TIAM1: variants seen among roughly 807,000 people sequenced by gnomAD.
The protein encoded by TIAM1 is rho guanine nucleotide exchange factor TIAM1.
A neutral mutation model predicts 163.5 loss-of-function variants in TIAM1; 65 were observed. That is an observed-to-expected ratio of 0.40 (90% CI 0.33 to 0.49). TIAM1 has a LOEUF of 0.49. Among genes scored for constraint, TIAM1 ranks in the 20% least tolerant of loss-of-function variants. TIAM1 has a pLI of 0.77. For synonymous variants in TIAM1, 833 were observed against 810.1 expected (o/e 1.03, Z -0.48); for missense variants, 1,789 against 2,044.7 (o/e 0.87, Z 2.41).
chr21:31,558,356 C>A (rs747692834), intron 1 of TIAM1, among the ~76,000 whole-genome samples: 29 of 152,206 alleles, frequency 1.9e-4, no homozygotes, highest in Non-Finnish European at 4.0e-4. Context: ...GTCCCCAGCT[C>A]CGTGCGCCGG....
intron 3 of TIAM1, among the ~76,000 whole-genome samples, chr21:31,272,122 C>T (rs1306366431): frequency 6.6e-6 from 1 of 152,170 alleles, no homozygotes; most frequent in Non-Finnish European, 1.5e-5. Flanking sequence ...AGAACACTTA[C>T]ATTAGCCTAC....
chr21:31,494,506 C>T (rs1329607461), intron 1 of TIAM1, among the ~76,000 whole-genome samples: 1 of 152,176 alleles, frequency 6.6e-6, no homozygotes, highest in Admixed American at 6.5e-5. Context: ...AAGTAAGATG[C>T]TTTCCACCTC....
chr21:31,257,994 C>G (rs923047152), intron 4 of TIAM1, among the ~76,000 whole-genome samples: 6 of 151,726 alleles, frequency 4.0e-5, no homozygotes, highest in South Asian at 4.2e-4. Context: ...CTCCCTCCTC[C>G]CCTCCTCTCC....
chr21:31,535,380 C>CCAA (rs1447512228), intron 1 of TIAM1, among the ~76,000 whole-genome samples: 5 of 54,280 alleles, frequency 9.2e-5, no homozygotes, highest in Non-Finnish European at 3.2e-5. Context: ...GGCTCCATCT[C>CCAA]AAAAAAAAAA....
In TIAM1 at chr21:31,217,702, G is replaced by A. The variant is rs2087299607; in HGVS notation, c.1996-3C>T. 1 of 1,612,520 alleles carries A rather than the reference G, an allele frequency of 6.2e-7. No individual in the cohort carries two copies. The highest frequency in any genetic ancestry group is 8.5e-7 in the Non-Finnish European group (1 of 1,179,234). On this transcript the variant is annotated splice_region_variant and splice_polypyrimidine_tract_variant and intron_variant, in intron 8 of 27. Transcript: ENST00000541036. ...GTTTCACCAGTGCGTGCTGCCACCT[G>A]AGGATGGCAAGGACAAGCAGCCACA...
At chr21:31,463,543 T>C (rs1309762691) in intron 2 of TIAM1, among the ~76,000 whole-genome samples, 2 of 151,958 alleles carry the variant, frequency 1.3e-5, no homozygotes, top group African/African-American at 4.8e-5. Flanking sequence ...AGAGGCCGGG[T>C]GCAGTGGCTC....
intron 22 of TIAM1, among the ~76,000 whole-genome samples, chr21:31,138,584 T>C (rs2082713969): frequency 6.6e-6 from 1 of 152,220 alleles, no homozygotes; most frequent in East Asian, 1.9e-4. Flanking sequence ...ATCACCCGCC[T>C]GAGTCTCCGT....
chr21:31,173,638 C>G (rs1050806196), intron 15 of TIAM1, among the ~76,000 whole-genome samples: 1 of 152,090 alleles, frequency 6.6e-6, no homozygotes. Flanking sequence ...GTCACAAAAT[C>G]TCAGTTTTTG....
In TIAM1 at chr21:31,210,798, GAA is replaced by G. The variant is rs903740008; in HGVS notation, c.2218-585_2218-584del. On this transcript the variant is annotated intron_variant, in intron 10 of 27. Transcript: ENST00000541036. ...AGAAAGAAAGAAAGAAAGAAAGAAA[GAA>G]AGAAAGAAAGAAAGGTCACCATTCA... Among the ~76,000 whole-genome samples the G allele has an allele frequency of 5.5e-5, 8 of 146,780 alleles. 1 individual carries two copies. The highest frequency in any genetic ancestry group is 2.2e-4 in the African/African-American group (8 of 36,960).
At chr21:31,557,211 A>T (rs1387201530) in intron 1 of TIAM1, among the ~76,000 whole-genome samples, 1 of 152,242 alleles carries the variant, frequency 6.6e-6, no homozygotes, top group Non-Finnish European at 1.5e-5. Context: ...ATTAAACCTA[A>T]GGCCAAGTAA....
At position 31,141,677 on chromosome 21, in the gene TIAM1, G is replaced by A. The variant is rs1330041342; in HGVS notation, c.3476-173C>T. On this transcript the variant is annotated intron_variant, in intron 20 of 27. Transcript: ENST00000541036. The surrounding 1 kb of genome is among the most constrained non-coding windows in gnomAD (Gnocchi z 4.7). ...GGGGCAGTCAGGGAGACCACAGGCAGTCAGATCTATGTATTTATGTGTTGG... is the reference window on the plus strand; with the variant it reads ...GGGGCAGTCAGGGAGACCACAGGCAATCAGATCTATGTATTTATGTGTTGG... 6.6e-6 allele frequency among the ~76,000 whole-genome samples: 1 copy of A among 152,044 alleles called. No homozygotes were observed. The highest frequency in any genetic ancestry group is 2.4e-5 in the African/African-American group (1 of 41,408).
intron 4 of TIAM1, among the ~76,000 whole-genome samples, chr21:31,255,055 A>C (rs2072020455): frequency 6.6e-6 from 1 of 152,154 alleles, no homozygotes; most frequent in African/African-American, 2.4e-5. Flanking sequence ...ATGCCAACTG[A>C]TGCTGTAGCT....
chr21:31,363,104 C>T (rs1243556825), intron 2 of TIAM1, among the ~76,000 whole-genome samples: 3 of 152,018 alleles, frequency 2.0e-5, no homozygotes, highest in Non-Finnish European at 2.9e-5. Flanking sequence ...GGTTCACGAT[C>T]GATATTAGCT....
intron 26 of TIAM1, 69 bp downstream of exon 26, chr21:31,126,996 G>A (rs1166062925): frequency 1.3e-5 from 19 of 1,491,456 alleles, no homozygotes; most frequent in East Asian, 4.5e-5. Context: ...AGAACACAAC[G>A]TAAGACACCA....
At chr21:31,250,438 G>A (rs918567897) in intron 5 of TIAM1, among the ~76,000 whole-genome samples, 2 of 152,154 alleles carry the variant, frequency 1.3e-5, no homozygotes, top group African/African-American at 4.8e-5. Context: ...CAAGAATAAT[G>A]GGGCCAACGC....
At chr21:31,499,723 C>T (rs2046786307) in intron 1 of TIAM1, among the ~76,000 whole-genome samples, 1 of 151,662 alleles carries the variant, frequency 6.6e-6, no homozygotes, top group African/African-American at 2.4e-5. Flanking sequence ...GGTGGTGTGC[C>T]CCTGTAATCC....
At chr21:31,264,654 T>A (rs565472022) in intron 4 of TIAM1, among the ~76,000 whole-genome samples, 1 of 152,268 alleles carries the variant, frequency 6.6e-6, no homozygotes, top group East Asian at 1.9e-4. Context: ...AATGCCGATT[T>A]TCTTTTTCTC....
At chr21:31,151,994 A>G (rs1428098212) in intron 19 of TIAM1, among the ~76,000 whole-genome samples, 2 of 142,068 alleles carry the variant, frequency 1.4e-5, no homozygotes, top group African/African-American at 2.6e-5. Context: ...CGATAAATTA[A>G]TTTGTTTACT....
chr21:31,493,487 G>C (rs10854347), intron 1 of TIAM1, among the ~76,000 whole-genome samples: 107,468 of 152,098 alleles, frequency 0.71, 38,705 homozygotes, highest in East Asian at 0.85. Flanking sequence ...TCAGAGGGTA[G>C]CAACAGCTTA....
Sources: allele counts gnomAD v4.1 joint callset (sites outside exome capture counted in the v4.1 genomes callset), GRCh38; gene constraint gnomAD v4.1.1; non-coding constraint Gnocchi (gnomAD v3.1); transcripts MANE v1.5; gene names NCBI Gene and HGNC (gene_info 2026-07-23, HGNC 2026-07-21).